The following STEAP4 variants were observed in gnomAD, a reference collection of about 807,000 sequenced individuals.
STEAP4 encodes the protein STEAP4 metalloreductase.
Under a neutral mutation model 43.6 loss-of-function variants are expected in STEAP4, and 36 were observed. The ratio of observed to expected loss-of-function variants is 0.83; its 90% CI spans 0.63 to 1.09. The LOEUF (loss-of-function observed/expected upper bound fraction) is 1.09, where lower values mean the gene tolerates loss of function less well. STEAP4 is among the 50% of genes least tolerant of loss of function. The probability of loss-of-function intolerance (pLI) is 0.00; values close to 1 mark genes in which losing one functional copy is unlikely to be tolerated. For synonymous variants in STEAP4, 191 were observed against 196.7 expected (o/e 0.97, Z 0.24); for missense variants, 495 against 546.5 (o/e 0.91, Z 0.94).
rs1483967903 is a variant in STEAP4, at chr7:88,283,167, A to G, written c.458T>C (p.Val153Ala). The G allele has an allele frequency of 2.0e-6, 3 of 1,529,234 alleles. No individual in the cohort carries two copies. Among genetic ancestry groups the G allele is most frequent in the Non-Finnish European group, 1.8e-6 (2 of 1,142,514 alleles). 94.7% of individuals were successfully genotyped at this position (1,529,234 alleles called of 1,614,324 possible). The part of the protein sequence containing the change: ...QSGALDASRQ[V>A]FVCGNDSKAK... ...TTTGCTGTCATTTCCACACACAAACACCTAGTTTAAAAACAGTTAATTAAT... is the reference window on the plus strand; with the variant it reads ...TTTGCTGTCATTTCCACACACAAACGCCTAGTTTAAAAACAGTTAATTAAT... Residue 153 changes from valine to alanine, a missense_variant and splice_region_variant, in exon 3 of 5, where the codon GTG (valine) becomes GCG (alanine). Coordinates refer to ENST00000380079, the MANE Select transcript of STEAP4 (RefSeq NM_024636.4).
rs1459650427 is a variant in STEAP4 at position 88,271,236 on chromosome 7, T to C, written c.*8162A>G. ...AATTAAATTTATTTTAATAATTAGGTAACCTACTCATGTAATTTAAAAACC... is the reference window on the plus strand; with the variant it reads ...AATTAAATTTATTTTAATAATTAGGCAACCTACTCATGTAATTTAAAAACC... On this transcript the variant is annotated 3_prime_UTR_variant, in exon 5 of 5. Coordinates refer to ENST00000380079, the MANE Select transcript of STEAP4 (RefSeq NM_024636.4). 6.6e-6 allele frequency: 1 copy of C among 152,184 alleles called. No individual in the cohort carries two copies. The highest frequency in any genetic ancestry group is 1.5e-5 in the Non-Finnish European group (1 of 68,030). The allele number at this position is 152,184 out of a possible 1,614,324, so 9.4% of individuals were successfully genotyped here. A position where few individuals can be genotyped will look rare whatever the true frequency, so the allele number is the denominator to read the frequency against.
At position 88,306,884 on chromosome 7, in the gene STEAP4, A is replaced by C. The variant is rs1853147659; in HGVS notation, c.-95T>G. The C allele has an allele frequency of 6.6e-6, 1 of 152,304 alleles. No homozygotes were observed. Among genetic ancestry groups the C allele is most frequent in the Non-Finnish European group, 1.5e-5 (1 of 68,114 alleles). The allele number at this position is 152,304 out of a possible 1,614,324, so 9.4% of individuals were successfully genotyped here. The stretch of plus-strand genomic sequence containing the variant: ...TAGAGGGAAGTTTCGCCGCGCCTGC[A>C]GCTCAGCGCTGTGGCTTGTGGCTCT... On this transcript the variant is annotated 5_prime_UTR_variant, in exon 1 of 5. Transcript: ENST00000380079.
chr7:88,304,290 C>T (rs1853091977), intron 1 of STEAP4: 1 of 152,036 alleles, frequency 6.6e-6, no homozygotes, highest in African/African-American at 2.4e-5. Flanking sequence ...ACATATGTAA[C>T]TAACCTGCAC....
intron 1 of STEAP4, among the ~76,000 whole-genome samples, chr7:88,297,105 A>C (rs1210176492): frequency 2.6e-5 from 4 of 152,222 alleles, no homozygotes; most frequent in South Asian, 4.1e-4. Flanking sequence ...TTTAATATAC[A>C]CATTAACACC....
chr7:88,290,922 G>T (rs543957557), intron 1 of STEAP4: 5 of 151,968 alleles, frequency 3.3e-5, no homozygotes, highest in Non-Finnish European at 7.4e-5. Context: ...TTACCAACTC[G>T]CAAGTCGACC....
chr7:88,285,301 G>A (rs43130), intron 1 of STEAP4, among the ~76,000 whole-genome samples: 118,508 of 152,076 alleles, frequency 0.78, 46,409 homozygotes, highest in East Asian at 0.91. Context: ...TGCAACATAT[G>A]TATGAAAAAT....
chr7:88,288,826 T>TA (rs997595876), intron 1 of STEAP4, among the ~76,000 whole-genome samples: 123 of 150,522 alleles, frequency 8.2e-4, no homozygotes, highest in African/African-American at 2.9e-3. Flanking sequence ...TACCCAAAAC[T>TA]AAAAAAAAAT....
intron 2 of STEAP4, chr7:88,283,590 C>A: frequency 1.7e-6 from 1 of 589,922 alleles, no homozygotes; most frequent in Non-Finnish European, 3.0e-6. Flanking sequence ...AGGCTGACAC[C>A]ATGGGGTTCC....
Position 88,270,912 on chromosome 7 carries a change from A to T in STEAP4, c.*8486T>A, listed in dbSNP as rs972921319. On this transcript the variant is annotated 3_prime_UTR_variant, in exon 5 of 5. Transcript: ENST00000380079. Reference sequence around the variant, plus strand: ...AAAAATTTTTTGTTTATAATTTTTTAATTAAAAATTTTTAATTGACACACG... The same window carrying T: ...AAAAATTTTTTGTTTATAATTTTTTTATTAAAAATTTTTAATTGACACACG... The T allele has an allele frequency of 6.6e-6, 1 of 152,144 alleles. No homozygotes were observed. The highest frequency in any genetic ancestry group is 1.5e-5 in the Non-Finnish European group (1 of 67,998). 9.4% of individuals were successfully genotyped at this position (152,144 alleles called of 1,614,324 possible).
Position 88,279,057 on chromosome 7 carries a change from A to G in STEAP4, c.*341T>C, listed in dbSNP as rs528388487. 2 of 252,898 alleles carry G rather than the reference A, an allele frequency of 7.9e-6. No homozygotes were observed. The highest frequency in any genetic ancestry group is 5.1e-5 in the Admixed American group (1 of 19,702). The allele number at this position is 252,898 out of a possible 1,614,324, so 15.7% of individuals were successfully genotyped here. On this transcript the variant is annotated 3_prime_UTR_variant, in exon 5 of 5. Transcript: ENST00000380079. ...CAGAGAAGGAAGCTGCAATACTTCT[A>G]TTGGATTTTGCAAGACATTAGGTCA...
At chr7:88,285,183 T>G (rs1242440250) in intron 1 of STEAP4, among the ~76,000 whole-genome samples, 1 of 152,104 alleles carries the variant, frequency 6.6e-6, no homozygotes, top group African/African-American at 2.4e-5. Flanking sequence ...AAAATAAATA[T>G]TCTTCATATA....
chr7:88,304,011 C>A (rs1853084287), intron 1 of STEAP4: 1 of 152,164 alleles, frequency 6.6e-6, no homozygotes, highest in South Asian at 2.1e-4. Flanking sequence ...ATTAGTAAAC[C>A]AGTCTCTTTT....
rs201304806 is a variant in STEAP4 at position 88,282,660 on chromosome 7, C to T, written c.965G>A (p.Gly322Glu). Residue 322 changes from glycine (G) to glutamate (E), a missense_variant, in exon 3 of 5, where the codon GGA becomes GAA. By Grantham distance (98) the Gly-to-Glu change is moderately conservative. Transcript: ENST00000380079. ...ATTTACCTGGGTAACGGTTAAGTTT[C>T]CCAATCTCCATCGTACATAATATCG... ...PIRYYVRWRL[G>E]NLTVTQAILK... 2.7e-4 allele frequency: 433 copies of T among 1,613,138 alleles called. 1 individual carries two copies. The African/African-American group carries it at 5.2e-3, about 19-fold the overall frequency.
At chr7:88,281,223 G>A (rs1563496237) in intron 3 of STEAP4, 144 bp from the exon 4 acceptor site, 1 of 678,206 alleles carries the variant, frequency 1.5e-6, no homozygotes. Flanking sequence ...AATAACTTTA[G>A]TGAAAAATAC....
rs773728456 is a variant in STEAP4 at position 88,279,618 on chromosome 7, C to CCCAGTTATAGT, written c.1159_1160insACTATAACTGG (p.Gly387AspfsTer7). ...TGTACACAAGATCAGGGTCAAATAA[C>CCCAGTTATAGT]CCAGTTTGGACTATAAACAAGAAAC... is the stretch of plus-strand genomic sequence containing the variant. On this transcript the variant is annotated frameshift_variant, in exon 5 of 5. Transcript: ENST00000380079. LOFTEE classifies it high-confidence loss of function. 1 of 1,611,914 alleles carries CCCAGTTATAGT rather than the reference C, an allele frequency of 6.2e-7. No homozygotes were observed. Among genetic ancestry groups the CCCAGTTATAGT allele is most frequent in the Admixed American group, 1.7e-5 (1 of 59,520 alleles).
At position 88,272,133 on chromosome 7, in the gene STEAP4, G is replaced by A. The variant is rs879538153; in HGVS notation, c.*7265C>T. The A allele has an allele frequency of 2.6e-5, 4 of 152,110 alleles. No individual in the cohort carries two copies. The highest frequency in any genetic ancestry group is 5.9e-5 in the Non-Finnish European group (4 of 68,044). 9.4% of individuals were successfully genotyped at this position (152,110 alleles called of 1,614,324 possible). A position where few individuals can be genotyped will look rare whatever the true frequency, so the allele number is the denominator to read the frequency against. ...GTGGGCCTTTTTCCCCCTAGACATGGTGGCATACACAATAAGTGTGTAGGA... is the reference window on the plus strand; with the variant it reads ...GTGGGCCTTTTTCCCCCTAGACATGATGGCATACACAATAAGTGTGTAGGA... On this transcript the variant is annotated 3_prime_UTR_variant, in exon 5 of 5. Coordinates refer to ENST00000380079, the MANE Select transcript of STEAP4 (RefSeq NM_024636.4).
chr7:88,280,936 C>CCAGT lies in STEAP4; in HGVS notation c.1124_1127dup (p.Trp376Ter). ...TTACCTGGACAAATCGGAACTCTCTCCAGTTGACTGCATTGCTAACAGATG... is the reference window on the plus strand; with the variant it reads ...TTACCTGGACAAATCGGAACTCTCTCCAGTCAGTTGACTGCATTGCTAACAGATG... On this transcript the variant is annotated stop_gained and frameshift_variant, in exon 4 of 5. Coordinates refer to ENST00000380079, the MANE Select transcript of STEAP4 (RefSeq NM_024636.4). LOFTEE classifies it high-confidence loss of function. The CCAGT allele has an allele frequency of 6.2e-7, 1 of 1,610,030 alleles. No individual in the cohort carries two copies. The highest frequency in any genetic ancestry group is 8.5e-7 in the Non-Finnish European group (1 of 1,178,494).
intron 1 of STEAP4, among the ~76,000 whole-genome samples, chr7:88,287,040 A>G (rs540399866): frequency 1.5e-4 from 23 of 152,286 alleles, no homozygotes; most frequent in African/African-American, 5.5e-4. Context: ...GAGGTTACTA[A>G]GAGACAGCAG....
Position 88,279,221 on chromosome 7 carries a change from C to T in STEAP4, c.*177G>A. On this transcript the variant is annotated 3_prime_UTR_variant, in exon 5 of 5. Transcript: ENST00000380079. ...CTAACCTGAGATAAAATGGTGTTCT[C>T]TTCCAGTATGTCAGTCAATTTCTCA... 3.3e-6 allele frequency: 2 copies of T among 614,246 alleles called. No individual in the cohort carries two copies. The highest frequency in any genetic ancestry group is 4.0e-5 in the South Asian group (2 of 50,558). The allele number at this position is 614,246 out of a possible 1,614,324, so 38.0% of individuals were successfully genotyped here.
Sources: gnomAD v4.1 joint callset for allele counts (sites outside exome capture counted in the v4.1 genomes callset) on GRCh38, gnomAD v4.1.1 for gene constraint, MANE v1.5 for transcripts, NCBI Gene and HGNC (gene_info 2026-07-23, HGNC 2026-07-21) for gene names.